Variants in PLD1 observed in about 807,000 individuals in gnomAD.
PLD1 encodes phospholipase D1.
A neutral mutation model predicts 137.1 loss-of-function variants in PLD1; 112 were observed. The ratio of observed to expected loss-of-function variants is 0.82; its 90% CI spans 0.70 to 0.96. PLD1 has a LOEUF of 0.96. Ranked by LOEUF, PLD1 falls within the 40% of genes least tolerant of loss-of-function variation. PLD1 has a pLI of 0.00. For missense variants in PLD1, 1,321 were observed against 1,342.0 expected, an observed-to-expected ratio of 0.98 and a Z score of 0.24; for synonymous variants, 431 against 454.7, an observed-to-expected ratio of 0.95 and a Z score of 0.66.
intron 17 of PLD1, among the ~76,000 whole-genome samples, 182 bp downstream of exon 17, chr3:171,677,374 TCTTATTATAA>T (rs1398329012): frequency 6.6e-6 from 1 of 152,176 alleles, no homozygotes; most frequent in Non-Finnish European, 1.5e-5. Context: ...CATGTTCTTT[TCTTATTATAA>T]CTGAAAAAAA....
rs193228168 is a variant in PLD1 at position 171,635,594 on chromosome 3, C to T, written c.2593+7246G>A. On this transcript the variant is annotated intron_variant, in intron 23 of 26. Coordinates refer to ENST00000351298, the MANE Select transcript of PLD1 (RefSeq NM_002662.5). ...GAAAAATACCTGTTTAGCTGCTTTGCCCATTTTTTATTTTTTGAGTTATTT... is the reference window on the plus strand; with the variant it reads ...GAAAAATACCTGTTTAGCTGCTTTGTCCATTTTTTATTTTTTGAGTTATTT... 4.0e-3 allele frequency among the ~76,000 whole-genome samples: 611 copies of T among 152,038 alleles called. 3 individuals carry two copies. Among genetic ancestry groups the T allele is most frequent in the Non-Finnish European group, 6.3e-3 (431 of 67,934 alleles).
intron 23 of PLD1, among the ~76,000 whole-genome samples, chr3:171,627,031 A>T (rs1369376399): frequency 6.6e-6 from 1 of 152,002 alleles, no homozygotes; most frequent in Non-Finnish European, 1.5e-5. Flanking sequence ...ATGTAAATGG[A>T]CTAAATGCTC....
chr3:171,640,040 T>C (rs1488046151), intron 23 of PLD1, among the ~76,000 whole-genome samples: 2 of 151,704 alleles, frequency 1.3e-5, no homozygotes, highest in East Asian at 3.9e-4. Context: ...TTTTGGTACT[T>C]TGAATCTTCT....
chr3:171,754,440 A>G (rs1720873783), intron 1 of PLD1, among the ~76,000 whole-genome samples: 1 of 152,184 alleles, frequency 6.6e-6, no homozygotes. Flanking sequence ...TTAAGGTCAT[A>G]CTGTGAAACT....
chr3:171,739,871 G>C (rs935286724), intron 1 of PLD1, among the ~76,000 whole-genome samples: 2 of 152,120 alleles, frequency 1.3e-5, no homozygotes, highest in African/African-American at 4.8e-5. Context: ...CCTTTATCTT[G>C]CTCTCTATTC....
chr3:171,691,892 A>C (rs1414896793), intron 13 of PLD1, among the ~76,000 whole-genome samples: 2 of 152,064 alleles, frequency 1.3e-5, no homozygotes, highest in Non-Finnish European at 2.9e-5. Flanking sequence ...TTTCATGTTT[A>C]TTTACTTTAT....
chr3:171,686,814 ATTTTTTT>A lies in PLD1; in HGVS notation c.1754-23_1754-17del. 8.1e-7 allele frequency: 1 copy of A among 1,236,506 alleles called. No homozygotes were observed. The highest frequency in any genetic ancestry group is 2.1e-5 in the Admixed American group (1 of 46,584). 76.6% of individuals were successfully genotyped at this position (1,236,506 alleles called of 1,614,324 possible). A position where few individuals can be genotyped will look rare whatever the true frequency, so the allele number is the denominator to read the frequency against. On this transcript the variant is annotated splice_polypyrimidine_tract_variant and intron_variant, in intron 15 of 26. Transcript: ENST00000351298. ...TTAAAATAACCTAGAGAAATTAAGA[ATTTTTTT>A]ACAAAAAAATACAAATATCAAATTT...
intron 1 of PLD1, among the ~76,000 whole-genome samples, chr3:171,796,166 C>T (rs1454995695): frequency 2.0e-5 from 3 of 152,186 alleles, no homozygotes; most frequent in East Asian, 3.9e-4. Context: ...GTGAAGAAGA[C>T]GAAAATGAGT....
At chr3:171,740,461 T>C (rs1367615474) in intron 1 of PLD1, among the ~76,000 whole-genome samples, 1 of 152,208 alleles carries the variant, frequency 6.6e-6, no homozygotes, top group Non-Finnish European at 1.5e-5. Flanking sequence ...TTGCAGCTTG[T>C]TAATTTTTAA....
intron 1 of PLD1, among the ~76,000 whole-genome samples, chr3:171,754,340 A>G (rs1720868134): frequency 6.6e-6 from 1 of 152,238 alleles, no homozygotes; most frequent in African/African-American, 2.4e-5. Flanking sequence ...AGCATTCTGT[A>G]CACATATCTC....
At chr3:171,657,143 T>A (rs1425224302) in intron 21 of PLD1, among the ~76,000 whole-genome samples, 1 of 152,108 alleles carries the variant, frequency 6.6e-6, no homozygotes, top group Admixed American at 6.6e-5. Context: ...CAGTTTTTAA[T>A]CCTAAAAATG....
chr3:171,758,675 T>A (rs764393329), intron 1 of PLD1, among the ~76,000 whole-genome samples: 6 of 152,220 alleles, frequency 3.9e-5, no homozygotes, highest in Non-Finnish European at 7.3e-5. Flanking sequence ...TCCTTCATGA[T>A]AGGAGGAAAG....
In PLD1 at chr3:171,684,471, C is replaced by T. The variant is rs561255253; in HGVS notation, c.1867+2214G>A. Among the ~76,000 whole-genome samples the T allele has an allele frequency of 5.9e-5, 9 of 152,262 alleles. No individual in the cohort carries two copies. The East Asian group carries it at 1.5e-3, about 26-fold the overall frequency. On this transcript the variant is annotated intron_variant, in intron 16 of 26. Coordinates refer to ENST00000351298, the MANE Select transcript of PLD1 (RefSeq NM_002662.5). ...ACTTCCCAGGACTTTGAAGCTTTGT[C>T]ATGCACAGGAATTACTGGGAGTTGT...
chr3:171,620,902 T>C (rs531982316), intron 23 of PLD1, among the ~76,000 whole-genome samples: 101 of 152,062 alleles, frequency 6.6e-4, no homozygotes, highest in African/African-American at 2.4e-3. Flanking sequence ...TGGTTAAAAC[T>C]GAGCTGGAAT....
In PLD1 at chr3:171,605,175, C is replaced by T. The variant is rs542808828; in HGVS notation, c.3000+124G>A. The T allele has an allele frequency of 2.8e-5, 20 of 708,884 alleles. No homozygotes were observed. The Admixed American group carries it at 3.0e-4, about 11-fold the overall frequency. The allele number at this position is 708,884 out of a possible 1,614,324, so 43.9% of individuals were successfully genotyped here. ...AAGAGGTATTTTATTACAACCTGGA[C>T]ATGTATTAGCTTTTTTACGTTTATT... is the stretch of plus-strand genomic sequence containing the variant. On this transcript the variant is annotated intron_variant, in intron 26 of 26. Coordinates refer to ENST00000351298, the MANE Select transcript of PLD1 (RefSeq NM_002662.5).
intron 23 of PLD1, among the ~76,000 whole-genome samples, chr3:171,639,286 T>C (rs1030928824): frequency 7.2e-6 from 1 of 139,762 alleles, no homozygotes; most frequent in African/African-American, 2.6e-5. Flanking sequence ...TATCATATAT[T>C]ATCTATATAT....
intron 1 of PLD1, among the ~76,000 whole-genome samples, chr3:171,779,234 G>A (rs1284438287): frequency 6.6e-6 from 1 of 152,150 alleles, no homozygotes; most frequent in Non-Finnish European, 1.5e-5. Flanking sequence ...AATAGACTGA[G>A]AGAAGGCAGA....
intron 4 of PLD1, 151 bp from the exon 5 acceptor site, chr3:171,735,121 A>C: frequency 1.7e-6 from 1 of 594,642 alleles, no homozygotes. Context: ...ATTGTGAATT[A>C]AATACACTTT....
At chr3:171,734,836 T>C in intron 5 of PLD1, 29 bp downstream of exon 5, 2 of 1,443,720 alleles carry the variant, frequency 1.4e-6, no homozygotes, top group Non-Finnish European at 1.9e-6. Context: ...AAATTAGGTT[T>C]AAAACCACAG....
Sources: allele counts gnomAD v4.1 joint callset (sites outside exome capture counted in the v4.1 genomes callset), GRCh38; gene constraint gnomAD v4.1.1; transcripts MANE v1.5; gene names NCBI Gene and HGNC (gene_info 2026-07-23, HGNC 2026-07-21).